Variants in PUM2 observed in about 807,000 individuals in gnomAD.
PUM2 encodes the protein pumilio RNA binding family member 2.
PUM2 carries 57 observed loss-of-function variants against 124.5 expected under a neutral mutation model. The observed-to-expected ratio is 0.46, with a 90% CI of 0.37 to 0.57. PUM2 has a LOEUF of 0.57. Ranked by LOEUF, PUM2 falls within the 20% of genes least tolerant of loss-of-function variation. The probability of loss-of-function intolerance (pLI) is 0.00; values close to 1 mark genes in which losing one functional copy is unlikely to be tolerated. For synonymous variants in PUM2, 460 were observed against 446.1 expected, an observed-to-expected ratio of 1.03 and a Z score of -0.39; for missense variants, 1,065 against 1,290.6, an observed-to-expected ratio of 0.83 and a Z score of 2.68.
chr2:20,305,259 T>C (rs1572830384), intron 7 of PUM2, among the ~76,000 whole-genome samples: 1 of 151,714 alleles, frequency 6.6e-6, no homozygotes, highest in Non-Finnish European at 1.5e-5. Flanking sequence ...CTGAGTCAGG[T>C]GGATTACTTG....
chr2:20,326,216 A>C, intron 2 of PUM2: 1 of 1,274,510 alleles, frequency 7.8e-7, no homozygotes, highest in Non-Finnish European at 1.0e-6. Flanking sequence ...CACTGGTCTA[A>C]CAAATTTATT....
intron 3 of PUM2, among the ~76,000 whole-genome samples, chr2:20,314,328 A>G (rs1362227587): frequency 6.6e-6 from 1 of 152,210 alleles, no homozygotes; most frequent in Non-Finnish European, 1.5e-5. Context: ...TTGGTTAAAA[A>G]AAAACTAAAT....
At chr2:20,251,942 G>A (rs28732678) in intron 20 of PUM2, among the ~76,000 whole-genome samples, 5,394 of 152,164 alleles carry the variant, frequency 0.035, 96 homozygotes, top group Middle Eastern at 0.068. Flanking sequence ...ACTATGTCAC[G>A]TGGAAACAGG....
At chr2:20,297,713 A>G in intron 7 of PUM2, 35 bp from the exon 8 acceptor site, 1 of 1,568,984 alleles carries the variant, frequency 6.4e-7, no homozygotes, top group Middle Eastern at 1.8e-4. Context: ...ATAAACAACA[A>G]TGTAAAGTAT....
Position 20,260,435 on chromosome 2 carries a change from G to A in PUM2, c.2257C>T (p.Pro753Ser). The A allele has an allele frequency of 6.2e-7, 1 of 1,610,246 alleles. No homozygotes were observed. Residue 753 changes from proline (P) to serine (S), a missense_variant, in exon 15 of 21, where the codon CCA becomes TCA. By Grantham distance (74) the Pro-to-Ser change is moderately conservative. Coordinates refer to ENST00000361078, the MANE Select transcript of PUM2 (RefSeq NM_015317.5). ...FIQQKLERAT[P>S]AERQMVFNEI... Reference sequence around the variant, plus strand: ...TTAAATACCATCTGTCGCTCAGCTGGAGTAGCTCTCTCTAGTTTTTGCTGT... The same window carrying A: ...TTAAATACCATCTGTCGCTCAGCTGAAGTAGCTCTCTCTAGTTTTTGCTGT...
intron 7 of PUM2, among the ~76,000 whole-genome samples, chr2:20,305,463 G>GAAAAAAAAAAAAAAAAA (rs67834545): frequency 2.2e-5 from 1 of 46,138 alleles, no homozygotes; most frequent in Admixed American, 3.7e-4. Context: ...CCCTGTCTTC[G>GAAAAAAAAAAAAAAAAA]AAAAAAAAAA....
At chr2:20,265,290 A>C (rs1667395565) in intron 13 of PUM2, among the ~76,000 whole-genome samples, 1 of 151,818 alleles carries the variant, frequency 6.6e-6, no homozygotes, top group Admixed American at 6.6e-5. Context: ...AAGCTATCTT[A>C]CACACCAAAA....
At chr2:20,343,150 T>C (rs1189665598) in intron 1 of PUM2, among the ~76,000 whole-genome samples, 1 of 151,982 alleles carries the variant, frequency 6.6e-6, no homozygotes, top group East Asian at 1.9e-4. Context: ...AAAAATTGAG[T>C]ATAATTTAAA....
chr2:20,289,099 G>T (rs776685760), intron 10 of PUM2, among the ~76,000 whole-genome samples: 12 of 151,974 alleles, frequency 7.9e-5, no homozygotes, highest in African/African-American at 2.2e-4. Flanking sequence ...AAGACCAGCC[G>T]GCCAATATGG....
At chr2:20,342,651 C>T (rs1558688289) in intron 1 of PUM2, among the ~76,000 whole-genome samples, 3 of 152,044 alleles carry the variant, frequency 2.0e-5, no homozygotes, top group Non-Finnish European at 4.4e-5. Flanking sequence ...CGGTTAAAAG[C>T]TTTAAAATAT....
At chr2:20,336,740 A>G (rs943238375) in intron 1 of PUM2, among the ~76,000 whole-genome samples, 1 of 125,068 alleles carries the variant, frequency 8.0e-6, no homozygotes, top group Non-Finnish European at 1.6e-5. Flanking sequence ...CATGTTGCCC[A>G]GGCTGATCTG....
At chr2:20,329,001 T>G (rs1384815861) in intron 1 of PUM2, among the ~76,000 whole-genome samples, 2 of 151,834 alleles carry the variant, frequency 1.3e-5, no homozygotes, top group Admixed American at 6.6e-5. Flanking sequence ...CGACACTCGA[T>G]TTTTACAAGA....
intron 19 of PUM2, 142 bp downstream of exon 19, chr2:20,254,721 A>G: frequency 1.2e-6 from 1 of 818,812 alleles, no homozygotes; most frequent in Non-Finnish European, 1.8e-6. Context: ...AAACAAAAGC[A>G]ATGTTCTATA....
At chr2:20,329,530 G>A (rs982882099) in intron 1 of PUM2, among the ~76,000 whole-genome samples, 1 of 152,030 alleles carries the variant, frequency 6.6e-6, no homozygotes, top group Admixed American at 6.6e-5. Context: ...GGGTATGTCT[G>A]AAGAACAAAG....
intron 13 of PUM2, among the ~76,000 whole-genome samples, chr2:20,267,642 T>A (rs545048082): frequency 4.1e-4 from 63 of 152,314 alleles, no homozygotes; most frequent in African/African-American, 1.4e-3. Context: ...CATGACTGTT[T>A]AATCACTATC....
intron 12 of PUM2, 100 bp from the exon 13 acceptor site, chr2:20,278,919 T>C (rs1053892043): frequency 1.2e-6 from 1 of 840,128 alleles, no homozygotes; most frequent in Non-Finnish European, 1.9e-6. Flanking sequence ...ATCACAATAA[T>C]TATTTTTAGA....
At chr2:20,352,050 C>T (rs965046451), upstream of PUM2, 1 of 152,280 alleles carries the variant, frequency 6.6e-6, no homozygotes, top group Non-Finnish European at 1.5e-5. Flanking sequence ...CTACCCCCCA[C>T]TCTTGTACTG....
At chr2:20,319,591 T>G (rs1474888714) in intron 2 of PUM2, among the ~76,000 whole-genome samples, 1 of 152,180 alleles carries the variant, frequency 6.6e-6, no homozygotes, top group Non-Finnish European at 1.5e-5. Context: ...TAAACTATAA[T>G]AAATATAACT....
At chr2:20,275,501 G>A (rs555018288) in intron 13 of PUM2, among the ~76,000 whole-genome samples, 1 of 151,944 alleles carries the variant, frequency 6.6e-6, no homozygotes, top group African/African-American at 2.4e-5. Context: ...AATAAAGAAT[G>A]ACACAATTAA....
Sources: allele counts gnomAD v4.1 joint callset (sites outside exome capture counted in the v4.1 genomes callset), GRCh38; gene constraint gnomAD v4.1.1; transcripts MANE v1.5; gene names NCBI Gene and HGNC (gene_info 2026-07-23, HGNC 2026-07-21).